FKBP5: variants seen among roughly 807,000 people sequenced by gnomAD.
FKBP5 encodes the protein peptidyl-prolyl cis-trans isomerase FKBP5.
In FKBP5, 23 loss-of-function variants were observed where a neutral mutation model predicts 50.5. The ratio of observed to expected loss-of-function variants is 0.46; its 90% CI spans 0.33 to 0.65. FKBP5 has a LOEUF of 0.65. Among genes scored for constraint, FKBP5 ranks in the 30% least tolerant of loss-of-function variants. The pLI is 0.02. For synonymous variants in FKBP5, 176 were observed against 190.6 expected (o/e 0.92, Z 0.63); for missense variants, 411 against 553.1 (o/e 0.74, Z 2.58).
At chr6:35,593,252 T>G (rs945134773) in intron 6 of FKBP5, among the ~76,000 whole-genome samples, 1 of 152,202 alleles carries the variant, frequency 6.6e-6, no homozygotes, top group African/African-American at 2.4e-5. Context: ...ATCTAGACTA[T>G]GGTAACAGAA....
chr6:35,576,777 T>C (rs916532144), intron 10 of FKBP5, among the ~76,000 whole-genome samples: 1 of 152,168 alleles, frequency 6.6e-6, no homozygotes, highest in Admixed American at 6.5e-5. Context: ...CTAATACATC[T>C]GAAGGGAATT....
chr6:35,603,955 C>T (rs1763228875), intron 5 of FKBP5, among the ~76,000 whole-genome samples: 1 of 152,160 alleles, frequency 6.6e-6, no homozygotes, highest in African/African-American at 2.4e-5. Flanking sequence ...ATCCTCCAGC[C>T]TTGGCCTCCC....
intron 2 of FKBP5, among the ~76,000 whole-genome samples, chr6:35,713,423 T>A (rs1337021421): frequency 6.6e-6 from 1 of 152,206 alleles, no homozygotes; most frequent in Non-Finnish European, 1.5e-5. Flanking sequence ...CTAGATGGTC[T>A]AAGGTGCCTT....
chr6:35,705,231 TATATATATATATATATATATATATATA>T (rs1157005366), intron 2 of FKBP5, among the ~76,000 whole-genome samples: 14 of 2,646 alleles, frequency 5.3e-3, no homozygotes, highest in South Asian at 0.014. Flanking sequence ...TATATATATA[TATATATATATATATATATATATATATA>T]TTTTTTTTTT....
intron 3 of FKBP5, among the ~76,000 whole-genome samples, chr6:35,625,015 G>A (rs1027399328): frequency 2.0e-5 from 3 of 152,122 alleles, no homozygotes; most frequent in African/African-American, 7.2e-5. Flanking sequence ...GTCTGGAGAG[G>A]GTTAAGCAAG....
At chr6:35,641,652 A>C (rs115187212) in intron 2 of FKBP5, among the ~76,000 whole-genome samples, 1,858 of 152,306 alleles carry the variant, frequency 0.012, 29 homozygotes, top group African/African-American at 0.038. Flanking sequence ...GATATATTCT[A>C]AGAGGAAATC....
At chr6:35,680,181 A>G (rs1167045149) in intron 1 of FKBP5, among the ~76,000 whole-genome samples, 1 of 152,124 alleles carries the variant, frequency 6.6e-6, no homozygotes, top group Non-Finnish European at 1.5e-5. Context: ...CTGCAGTCCT[A>G]ACACTTTGGG....
At chr6:35,633,147 A>T (rs879897406) in intron 3 of FKBP5, among the ~76,000 whole-genome samples, 2 of 152,196 alleles carry the variant, frequency 1.3e-5, no homozygotes, top group Admixed American at 6.5e-5. Context: ...GGAGAGGTAC[A>T]ATATAAGGGA....
At chr6:35,651,533 G>A (rs984752453) in intron 1 of FKBP5, among the ~76,000 whole-genome samples, 25 of 152,184 alleles carry the variant, frequency 1.6e-4, no homozygotes, top group African/African-American at 5.3e-4. Flanking sequence ...TATATGTTGG[G>A]GAGTCATCAG....
intron 2 of FKBP5, among the ~76,000 whole-genome samples, chr6:35,719,648 C>T (rs1032990825): frequency 2.0e-5 from 3 of 152,206 alleles, no homozygotes; most frequent in Non-Finnish European, 4.4e-5. Context: ...AGCAGTTTCC[C>T]AGGGACACCA....
At chr6:35,587,989 A>G (rs1056646227) in intron 7 of FKBP5, among the ~76,000 whole-genome samples, 11 of 152,022 alleles carry the variant, frequency 7.2e-5, no homozygotes, top group African/African-American at 2.7e-4. Flanking sequence ...TCCTGGTGTC[A>G]CAGCCCCTGC....
chr6:35,668,711 G>A (rs1432573571), intron 1 of FKBP5, among the ~76,000 whole-genome samples: 3 of 151,128 alleles, frequency 2.0e-5, no homozygotes, highest in African/African-American at 7.3e-5. Context: ...TAAGTTTTAG[G>A]GTACATGTGA....
intron 2 of FKBP5, among the ~76,000 whole-genome samples, chr6:35,701,147 T>C (rs1766174827): frequency 6.6e-6 from 1 of 152,144 alleles, no homozygotes; most frequent in Admixed American, 6.5e-5. Context: ...GGACACACAC[T>C]GAAAAATTAT....
chr6:35,680,117 G>GA (rs914130084), intron 1 of FKBP5, among the ~76,000 whole-genome samples: 80 of 142,478 alleles, frequency 5.6e-4, no homozygotes, highest in East Asian at 8.0e-4. Flanking sequence ...GATGTAGATG[G>GA]AAAAAAAAAA....
rs1765056152 is a variant in FKBP5, at chr6:35,660,646, T to C, written c.-19-17803A>G. ...GTGCTGTGTGCAACTGAAAAGAATGTGTATTCTGCTTGTATTGGGTAGAAT... is the reference window on the plus strand; with the variant it reads ...GTGCTGTGTGCAACTGAAAAGAATGCGTATTCTGCTTGTATTGGGTAGAAT... On this transcript the variant is annotated intron_variant, in intron 1 of 10. Transcript: ENST00000357266. 2.4e-5 allele frequency among the ~76,000 whole-genome samples: 2 copies of C among 83,666 alleles called. 1 individual carries two copies. The highest frequency in any genetic ancestry group is 2.5e-4 in the Admixed American group (2 of 7,916). 54.9% of individuals were successfully genotyped at this position (83,666 alleles called of 152,430 possible).
At chr6:35,586,747 T>G (rs574372197) in intron 8 of FKBP5, 2 of 1,310,224 alleles carry the variant, frequency 1.5e-6, no homozygotes, top group East Asian at 5.7e-5. Context: ...GCAAGATGCT[T>G]TAGGAGTGAG....
At chr6:35,662,629 T>C (rs1486698381) in intron 1 of FKBP5, among the ~76,000 whole-genome samples, 1 of 152,094 alleles carries the variant, frequency 6.6e-6, no homozygotes, top group African/African-American at 2.4e-5. Context: ...CTGGGTATAC[T>C]AATATTTGGT....
intron 3 of FKBP5, among the ~76,000 whole-genome samples, chr6:35,631,143 A>C (rs1003277542): frequency 6.6e-6 from 1 of 152,266 alleles, no homozygotes; most frequent in African/African-American, 2.4e-5. Context: ...AAAGTTAAAA[A>C]GATCGACAAT....
At chr6:35,589,102 ATATATTTTTATATATATATATATATATT>A (rs1561846463) in intron 7 of FKBP5, among the ~76,000 whole-genome samples, 8 of 128,178 alleles carry the variant, frequency 6.2e-5, no homozygotes, top group Non-Finnish European at 1.1e-4. Context: ...TTATATATAT[ATATATTTTTATATATATATATATATATT>A]TTTTTTTTTT....
Sources: allele counts gnomAD v4.1 joint callset (sites outside exome capture counted in the v4.1 genomes callset), GRCh38; gene constraint gnomAD v4.1.1; transcripts MANE v1.5; gene names NCBI Gene and HGNC (gene_info 2026-07-23, HGNC 2026-07-21).